PIAS2: variants seen among roughly 807,000 people sequenced by gnomAD.
PIAS2 encodes E3 SUMO-protein ligase PIAS2.
In PIAS2, 19 loss-of-function variants were observed where a neutral mutation model predicts 69.7. The observed-to-expected ratio is 0.27, with a 90% CI of 0.19 to 0.40. The LOEUF is 0.40. Ranked by LOEUF, PIAS2 falls within the 10% of genes least tolerant of loss-of-function variation. The pLI is 1.00. For synonymous variants in PIAS2, 261 were observed against 263.2 expected (o/e 0.99, Z 0.08); for missense variants, 624 against 757.0 (o/e 0.82, Z 2.06).
chr18:46,870,838 C>A, intron 2 of PIAS2, among the ~76,000 whole-genome samples: 1 of 152,052 alleles, frequency 6.6e-6, no homozygotes, highest in East Asian at 1.9e-4. Context: ...CCAAAACATT[C>A]CTGCAGCCGA....
intron 1 of PIAS2, among the ~76,000 whole-genome samples, chr18:46,899,520 T>G (rs2055447633): frequency 6.6e-6 from 1 of 152,168 alleles, no homozygotes. Context: ...CTGCCCAGAG[T>G]GCAGTGGTGC....
intron 1 of PIAS2, among the ~76,000 whole-genome samples, chr18:46,898,236 C>A (rs2055212029): frequency 6.6e-6 from 1 of 152,078 alleles, no homozygotes; most frequent in African/African-American, 2.4e-5. Context: ...TGGCTCACTG[C>A]AACCTCTGCC....
chr18:46,814,872 A>G (rs768160592), intron 13 of PIAS2, among the ~76,000 whole-genome samples: 9 of 152,218 alleles, frequency 5.9e-5, no homozygotes, highest in Non-Finnish European at 1.2e-4. Context: ...GGGCCTCCCC[A>G]AAGTCCAAAT....
chr18:46,813,376 A>AT lies in PIAS2; in HGVS notation c.1687-765_1687-764insA, dbSNP rs528369929. ...ATCCCATTACTGATCCCAAACAAGT[A>AT]CAAACCTGAATGTACTACTCTAATA... On this transcript the variant is annotated intron_variant, in intron 13 of 13. Transcript: ENST00000585916. Among the ~76,000 whole-genome samples, 53 of 152,344 alleles carry AT rather than the reference A, an allele frequency of 3.5e-4. 2 individuals are homozygous for AT. In the South Asian group the frequency reaches 8.5e-3, roughly 24 times the overall value.
intron 2 of PIAS2, among the ~76,000 whole-genome samples, chr18:46,883,069 G>A (rs1253138766): frequency 6.6e-6 from 1 of 150,730 alleles, no homozygotes; most frequent in Non-Finnish European, 1.5e-5. Context: ...CTGCACTGCA[G>A]CCTGGGCGAC....
chr18:46,891,476 T>G (rs1052355664), intron 1 of PIAS2, among the ~76,000 whole-genome samples: 1 of 152,186 alleles, frequency 6.6e-6, no homozygotes, highest in African/African-American at 2.4e-5. Flanking sequence ...AAAATCAGAT[T>G]TTCACAATGT....
At position 46,844,907 on chromosome 18, in the gene PIAS2, C is replaced by T. The variant is rs574099376; in HGVS notation, c.862-68G>A. The T allele has an allele frequency of 1.5e-4, 87 of 595,026 alleles. No individual in the cohort carries two copies. The African/African-American group carries it at 1.5e-3, about 10-fold the overall frequency. 36.9% of individuals were successfully genotyped at this position (595,026 alleles called of 1,614,324 possible). ...ATATTCTCTTTGTTTACATGAAATACTTATTTAAGAAACTCTGGTTTCTAA... is the reference window on the plus strand; with the variant it reads ...ATATTCTCTTTGTTTACATGAAATATTTATTTAAGAAACTCTGGTTTCTAA... On this transcript the variant is annotated intron_variant, in intron 6 of 13. Coordinates refer to ENST00000585916, the MANE Select transcript of PIAS2 (RefSeq NM_004671.5).
At chr18:46,893,248 T>C (rs1042434929) in intron 1 of PIAS2, among the ~76,000 whole-genome samples, 1 of 152,190 alleles carries the variant, frequency 6.6e-6, no homozygotes, top group Non-Finnish European at 1.5e-5. Flanking sequence ...TCTTAGTAAA[T>C]ACTTCAATTG....
intron 8 of PIAS2, among the ~76,000 whole-genome samples, chr18:46,837,768 C>A (rs1462468505): frequency 6.6e-6 from 1 of 152,118 alleles, no homozygotes; most frequent in Admixed American, 6.5e-5. Context: ...TTCAAACCTC[C>A]CCATATATTT....
At chr18:46,819,944 G>T (rs1226363400) in intron 12 of PIAS2, among the ~76,000 whole-genome samples, 1 of 152,106 alleles carries the variant, frequency 6.6e-6, no homozygotes. Flanking sequence ...CCTTATCCAA[G>T]ATTTTGCGTT....
At chr18:46,838,018 C>T (rs1179478807) in intron 8 of PIAS2, among the ~76,000 whole-genome samples, 4 of 152,118 alleles carry the variant, frequency 2.6e-5, no homozygotes, top group Non-Finnish European at 5.9e-5. Flanking sequence ...AGAAGACGGA[C>T]CTATTTTTAT....
rs1009545982 is a variant in PIAS2 at position 46,807,084 on chromosome 18, G to C, written c.*5349C>G. 6.6e-6 allele frequency: 1 copy of C among 151,618 alleles called. No individual in the cohort carries two copies. Among genetic ancestry groups the C allele is most frequent in the African/African-American group, 2.4e-5 (1 of 41,238 alleles). The allele number at this position is 151,618 out of a possible 1,614,324, so 9.4% of individuals were successfully genotyped here. A position where few individuals can be genotyped will look rare whatever the true frequency, so the allele number is the denominator to read the frequency against. On this transcript the variant is annotated 3_prime_UTR_variant, in exon 14 of 14. Transcript: ENST00000585916. ...TTTAGCCTTACCACTTTTCAGTTTG[G>C]GGATGGAATGCCTTTGGCTCAGTAG...
At chr18:46,852,945 A>G (rs2047191504) in intron 5 of PIAS2, 2 of 152,298 alleles carry the variant, frequency 1.3e-5, no homozygotes, top group South Asian at 2.1e-4. Flanking sequence ...CATCACAGAT[A>G]ATGGGAGGGG....
chr18:46,856,380 T>A (rs931490859), intron 3 of PIAS2, among the ~76,000 whole-genome samples: 2 of 152,142 alleles, frequency 1.3e-5, no homozygotes, highest in South Asian at 4.1e-4. Flanking sequence ...TTAGTTTTTA[T>A]AGCTACTAGG....
At chr18:46,817,652 T>C in intron 12 of PIAS2, 1 of 968,378 alleles carries the variant, frequency 1.0e-6, no homozygotes, top group Non-Finnish European at 1.2e-6. Context: ...GAAATTTTTC[T>C]AAAATATTGG....
In PIAS2 at chr18:46,844,750, A is replaced by T; in HGVS notation, c.951T>A (p.Asp317Glu). Residue 317 changes from aspartate (D) to glutamate (E), a missense_variant, in exon 7 of 14, where the codon GAT (aspartate) becomes GAA (glutamate). Asp to Glu is a conservative substitution (Grantham distance 45). This residue lies in a region of PIAS2 where 339 missense variants were observed against 408.8 expected (regional missense o/e 0.83). Coordinates refer to ENST00000585916, the MANE Select transcript of PIAS2 (RefSeq NM_004671.5). The part of the protein sequence containing the change: ...RLKMKGIRNP[D>E]HSRALIKEKL... ...ATTACTTACTTAGTGCTCTGGAATG[A>T]TCAGGGTTTCTAATACCTTTCATTT... is the stretch of plus-strand genomic sequence containing the variant. The T allele has an allele frequency of 7.1e-7, 1 of 1,411,964 alleles. No homozygotes were observed. The allele number at this position is 1,411,964 out of a possible 1,614,324, so 87.5% of individuals were successfully genotyped here.
chr18:46,817,171 T>C, intron 12 of PIAS2: 1 of 964,258 alleles, frequency 1.0e-6, no homozygotes, highest in East Asian at 1.1e-4. Context: ...AGTTTTTCAG[T>C]TTCATATGTT....
rs576879606 is a variant in PIAS2 at position 46,885,315 on chromosome 18, G to A, written c.499+5265C>T. Among the ~76,000 whole-genome samples the A allele has an allele frequency of 2.0e-5, 3 of 152,156 alleles. No individual in the cohort carries two copies. In the East Asian group the frequency reaches 5.8e-4, roughly 29 times the overall value. ...GGGCAGACCACGAGGTCAGGAGTTC[G>A]AGACGAACCTGGCCAACATAGTGAA... On this transcript the variant is annotated intron_variant, in intron 2 of 13. Coordinates refer to ENST00000585916, the MANE Select transcript of PIAS2 (RefSeq NM_004671.5).
At chr18:46,827,278 T>G (rs2042961538) in intron 11 of PIAS2, 1 of 152,168 alleles carries the variant, frequency 6.6e-6, no homozygotes, top group Non-Finnish European at 1.5e-5. Context: ...AAAAAGCAAC[T>G]ATTGTTAAAT....
Sources: allele counts gnomAD v4.1 joint callset (sites outside exome capture counted in the v4.1 genomes callset), GRCh38; gene constraint gnomAD v4.1.1; regional missense constraint gnomAD v4.1.1; transcripts MANE v1.5; gene names NCBI Gene and HGNC (gene_info 2026-07-23, HGNC 2026-07-21).